The following GDF6 variants were observed in gnomAD, a reference collection of about 807,000 sequenced individuals.
GDF6 encodes growth differentiation factor 6.
Under a neutral mutation model 32.4 loss-of-function variants are expected in GDF6, and 3 were observed. The ratio of observed to expected loss-of-function variants is 0.09; its 90% CI spans 0.04 to 0.24. The LOEUF (loss-of-function observed/expected upper bound fraction) is 0.24, where lower values mean the gene tolerates loss of function less well. GDF6 is among the 10% of genes least tolerant of loss of function. GDF6 has a pLI of 1.00. For synonymous variants in GDF6, 296 were observed against 295.3 expected (o/e 1.00, Z -0.03); for missense variants, 589 against 637.9 (o/e 0.92, Z 0.83).
chr8:96,145,074 C>A lies in GDF6; in HGVS notation c.857G>T (p.Arg286Leu). 2.0e-6 allele frequency: 3 copies of A among 1,510,244 alleles called. No homozygotes were observed. In the African/African-American group the frequency reaches 4.3e-5, roughly 22 times the overall value. 93.6% of individuals were successfully genotyped at this position (1,510,244 alleles called of 1,614,324 possible). ...ALLVVFTRSQ[R>L]KNLFAEMREQ... ...GCGCATCTCTGCGAACAGGTTCTTG[C>A]GCTGGGATCTGGTGAATACCACCAG... The change falls in exon 2 of 2, where the codon CGC (arginine) becomes CTC (leucine). Residue 286 changes from arginine (R) to leucine (L), a missense_variant. Arg to Leu is a moderately radical substitution (Grantham distance 102). Around this residue, in one of 2 missense-constraint regions of GDF6, gnomAD observed 436 missense variants for 411.2 expected, o/e 1.06. Transcript: ENST00000287020. The surrounding 1 kb of genome is among the most constrained non-coding windows in gnomAD (Gnocchi z 5.6).
At chr8:96,154,223 C>T (rs1384936974) in intron 1 of GDF6, among the ~76,000 whole-genome samples, 2 of 152,238 alleles carry the variant, frequency 1.3e-5, no homozygotes, top group South Asian at 2.1e-4. Flanking sequence ...CGCCCACTCT[C>T]GGGTCCCTAA....
chr8:96,145,588 G>T lies in GDF6; in HGVS notation c.407-64C>A. ...GGGGGAGATCAGCCCGGTGCTCTTC[G>T]GCCGCCCCGGGAGGAAAAGGGCGGG... On this transcript the variant is annotated intron_variant, in intron 1 of 1. Transcript: ENST00000287020. This position sits in a 1 kb window ranked among gnomAD's most constrained non-coding sequence, Gnocchi z 5.6. 1.3e-6 allele frequency: 2 copies of T among 1,589,560 alleles called. No individual in the cohort carries two copies. Among genetic ancestry groups the T allele is most frequent in the Non-Finnish European group, 8.5e-7 (1 of 1,174,520 alleles).
intron 1 of GDF6, among the ~76,000 whole-genome samples, chr8:96,146,681 T>TAC (rs370283680): frequency 0.01 from 1,526 of 146,278 alleles, 6 homozygotes; most frequent in East Asian, 0.04. Context: ...GACAATTAGA[T>TAC]ACACACACAC....
At chr8:96,155,144 G>T (rs1812637863) in intron 1 of GDF6, among the ~76,000 whole-genome samples, 1 of 152,110 alleles carries the variant, frequency 6.6e-6, no homozygotes, top group South Asian at 2.1e-4. Context: ...CTCCCCCATC[G>T]GCAACTCCAC....
intron 1 of GDF6, among the ~76,000 whole-genome samples, chr8:96,152,010 C>A (rs1045299675): frequency 2.6e-5 from 4 of 152,188 alleles, no homozygotes; most frequent in African/African-American, 9.7e-5. Flanking sequence ...CTACTTACAT[C>A]TTCTAGGGGA....
At chr8:96,158,612 G>A (rs1393956090) in intron 1 of GDF6, among the ~76,000 whole-genome samples, 1 of 152,224 alleles carries the variant, frequency 6.6e-6, no homozygotes, top group East Asian at 1.9e-4. Flanking sequence ...TCTTGAGGAA[G>A]GGCCTCTTGA....
chr8:96,150,180 G>A (rs1035559456), intron 1 of GDF6, among the ~76,000 whole-genome samples: 1 of 152,184 alleles, frequency 6.6e-6, no homozygotes, highest in Non-Finnish European at 1.5e-5. Context: ...CAGGATTCTT[G>A]GTACGGCTGA....
At chr8:96,153,959 T>G (rs112566589) in intron 1 of GDF6, among the ~76,000 whole-genome samples, 1 of 152,174 alleles carries the variant, frequency 6.6e-6, no homozygotes, top group Non-Finnish European at 1.5e-5. Context: ...CCTAGTCTAT[T>G]CCTAGTCAAT....
chr8:96,144,413 C>T lies in GDF6; in HGVS notation c.*150G>A. 1 of 888,862 alleles carries T rather than the reference C, an allele frequency of 1.1e-6. No individual in the cohort carries two copies. Among genetic ancestry groups the T allele is most frequent in the Non-Finnish European group, 1.7e-6 (1 of 592,018 alleles). The allele number at this position is 888,862 out of a possible 1,614,324, so 55.1% of individuals were successfully genotyped here. Reference sequence around the variant, plus strand: ...TACTGGGAAGGCTGCGCTCCCTTCTCTCCCACCGGCTCTCACATCCAGGCT... The same window carrying T: ...TACTGGGAAGGCTGCGCTCCCTTCTTTCCCACCGGCTCTCACATCCAGGCT... On this transcript the variant is annotated 3_prime_UTR_variant, in exon 2 of 2. Coordinates refer to ENST00000287020, the MANE Select transcript of GDF6 (RefSeq NM_001001557.4). This position sits in a 1 kb window ranked among gnomAD's most constrained non-coding sequence, Gnocchi z 5.1.
intron 1 of GDF6, among the ~76,000 whole-genome samples, chr8:96,146,699 C>CAG (rs1812490018): frequency 1.6e-5 from 2 of 127,690 alleles, no homozygotes; most frequent in Non-Finnish European, 3.3e-5. Flanking sequence ...CACACACACA[C>CAG]ACACACACAG....
chr8:96,156,958 A>C (rs559638760), intron 1 of GDF6, among the ~76,000 whole-genome samples: 2 of 152,326 alleles, frequency 1.3e-5, no homozygotes, highest in East Asian at 3.9e-4. Context: ...AATCTTATAT[A>C]GGCCCCACCT....
intron 1 of GDF6, among the ~76,000 whole-genome samples, chr8:96,155,948 A>G (rs980887210): frequency 6.6e-6 from 1 of 152,130 alleles, no homozygotes; most frequent in Non-Finnish European, 1.5e-5. Context: ...ATGAACTTCA[A>G]TCGCGAGGGG....
chr8:96,155,352 C>A (rs1812644081), intron 1 of GDF6, among the ~76,000 whole-genome samples: 2 of 152,242 alleles, frequency 1.3e-5, no homozygotes, highest in Non-Finnish European at 2.9e-5. Flanking sequence ...GACCTTAAGG[C>A]CTTAAGGATT....
chr8:96,160,772 G>A lies in GDF6; in HGVS notation c.-80C>T. On this transcript the variant is annotated 5_prime_UTR_variant, in exon 1 of 2. Coordinates refer to ENST00000287020, the MANE Select transcript of GDF6 (RefSeq NM_001001557.4). ...CGGGGCACGGAGCGGCTGGACAGCG[G>A]CCGGGGCCCGGCTCCTCGGGCGGAC... 7.0e-7 allele frequency: 1 copy of A among 1,437,518 alleles called. No individual in the cohort carries two copies. 89.0% of individuals were successfully genotyped at this position (1,437,518 alleles called of 1,614,324 possible).
In GDF6 at chr8:96,145,840, C is replaced by A. The variant is rs929919464; in HGVS notation, c.407-316G>T. Among the ~76,000 whole-genome samples the A allele has an allele frequency of 6.6e-6, 1 of 152,162 alleles. No individual in the cohort carries two copies. Among genetic ancestry groups the A allele is most frequent in the Non-Finnish European group, 1.5e-5 (1 of 68,028 alleles). On this transcript the variant is annotated intron_variant, in intron 1 of 1. Coordinates refer to ENST00000287020, the MANE Select transcript of GDF6 (RefSeq NM_001001557.4). This position sits in a 1 kb window ranked among gnomAD's most constrained non-coding sequence, Gnocchi z 5.6. ...AAAAGGCTTCGTAACCACTAATGTG[C>A]CCTTTGTGGTCTCAAGCCTGGGCCG...
intron 1 of GDF6, among the ~76,000 whole-genome samples, chr8:96,159,758 G>A (rs907877690): frequency 2.0e-5 from 3 of 152,250 alleles, no homozygotes; most frequent in Non-Finnish European, 4.4e-5. Context: ...AAACCCGCGC[G>A]GCGCCAGGAC....
rs770941597 is a variant in GDF6, at chr8:96,160,520, C to G, written c.173G>C (p.Ser58Thr). The G allele has an allele frequency of 6.2e-7, 1 of 1,613,308 alleles. No homozygotes were observed. The highest frequency in any genetic ancestry group is 8.5e-7 in the Non-Finnish European group (1 of 1,179,650). Residue 58 changes from serine to threonine, a missense_variant, in exon 1 of 2, where the codon AGT becomes ACT. Coordinates refer to ENST00000287020, the MANE Select transcript of GDF6 (RefSeq NM_001001557.4). ...TTCCTGGCCCTCCCGGCCCGCGTCA[C>G]TGTCGCGCGGCGCCCGCTGCATCTT... is the stretch of plus-strand genomic sequence containing the variant. ...EGKMQRAPRD[S>T]DAGREGQEPQ...
rs1812465252 is a variant in GDF6 at position 96,145,581 on chromosome 8, G to T, written c.407-57C>A. On this transcript the variant is annotated intron_variant, in intron 1 of 1. Transcript: ENST00000287020. The surrounding 1 kb of genome is among the most constrained non-coding windows in gnomAD (Gnocchi z 5.6). ...CACTTAAGGGGGAGATCAGCCCGGT[G>T]CTCTTCGGCCGCCCCGGGAGGAAAA... is the stretch of plus-strand genomic sequence containing the variant. 2.5e-6 allele frequency: 4 copies of T among 1,594,070 alleles called. No individual in the cohort carries two copies. The highest frequency in any genetic ancestry group is 3.4e-6 in the Non-Finnish European group (4 of 1,177,798).
At position 96,144,047 on chromosome 8, in the gene GDF6, A is replaced by C. The variant is rs908632428; in HGVS notation, c.*516T>G. ...GACATGGGCTATGACATGGCCAGAG[A>C]CCCCACCTTCTTTACACATGTAAAA... On this transcript the variant is annotated 3_prime_UTR_variant, in exon 2 of 2. Transcript: ENST00000287020. This position sits in a 1 kb window ranked among gnomAD's most constrained non-coding sequence, Gnocchi z 5.1. The C allele has an allele frequency of 5.7e-6, 1 of 175,684 alleles. No homozygotes were observed. Among genetic ancestry groups the C allele is most frequent in the African/African-American group, 2.4e-5 (1 of 41,710 alleles). 10.9% of individuals were successfully genotyped at this position (175,684 alleles called of 1,614,324 possible).
Sources: allele counts gnomAD v4.1 joint callset (sites outside exome capture counted in the v4.1 genomes callset), GRCh38; gene constraint gnomAD v4.1.1; regional missense constraint gnomAD v4.1.1; non-coding constraint Gnocchi (gnomAD v3.1); transcripts MANE v1.5; gene names NCBI Gene and HGNC (gene_info 2026-07-23, HGNC 2026-07-21).